PPFIBP1: variants seen among roughly 807,000 people sequenced by gnomAD.
The protein encoded by PPFIBP1 is liprin-beta-1.
In PPFIBP1, 112 loss-of-function variants were observed where a neutral mutation model predicts 137.8. That is an observed-to-expected ratio of 0.81 (90% CI 0.70 to 0.95). The LOEUF (loss-of-function observed/expected upper bound fraction) is 0.95, where lower values mean the gene tolerates loss of function less well. PPFIBP1 is among the 40% of genes least tolerant of loss of function. PPFIBP1 has a pLI of 0.00. For missense variants in PPFIBP1, 1,083 were observed against 1,196.6 expected (o/e 0.91, Z 1.40); for synonymous variants, 378 against 417.3 (o/e 0.91, Z 1.15).
At chr12:27,630,692 C>T (rs1255817056) in intron 2 of PPFIBP1, among the ~76,000 whole-genome samples, 1 of 152,078 alleles carries the variant, frequency 6.6e-6, no homozygotes, top group Non-Finnish European at 1.5e-5. Context: ...AATTGTATAG[C>T]GGAAGTCTGG....
intron 2 of PPFIBP1, among the ~76,000 whole-genome samples, chr12:27,579,025 G>T (rs2050824512): frequency 1.3e-5 from 2 of 152,236 alleles, no homozygotes; most frequent in African/African-American, 4.8e-5. Context: ...GTCAATAAGA[G>T]ATTGGAACCT....
At chr12:27,561,225 T>C (rs182609646) in intron 1 of PPFIBP1, among the ~76,000 whole-genome samples, 2 of 152,200 alleles carry the variant, frequency 1.3e-5, no homozygotes, top group Non-Finnish European at 2.9e-5. Flanking sequence ...TTGTGAGTGG[T>C]CTTTTGGTCT....
At chr12:27,683,174 CT>C (rs2060983760) in intron 24 of PPFIBP1, among the ~76,000 whole-genome samples, 1 of 152,204 alleles carries the variant, frequency 6.6e-6, no homozygotes, top group African/African-American at 2.4e-5. Flanking sequence ...AGCCATTCTC[CT>C]GCCTCAGCCT....
At chr12:27,547,664 G>A (rs55764582) in intron 1 of PPFIBP1, 23,344 of 152,282 alleles carry the variant, frequency 0.15, 2,072 homozygotes, top group Middle Eastern at 0.26. Flanking sequence ...ATGTGGTTGC[G>A]TCTGAGACCC....
intron 2 of PPFIBP1, among the ~76,000 whole-genome samples, chr12:27,612,341 T>C (rs1469088836): frequency 7.0e-6 from 1 of 143,818 alleles, no homozygotes; most frequent in Admixed American, 6.9e-5. Context: ...TTTTTTTTTT[T>C]TTTTTTTTTT....
chr12:27,625,679 G>T (rs1216125762), intron 2 of PPFIBP1, among the ~76,000 whole-genome samples: 1 of 151,424 alleles, frequency 6.6e-6, no homozygotes, highest in African/African-American at 2.4e-5. Context: ...AGCCTCCCAG[G>T]TTCAAGTGAT....
intron 2 of PPFIBP1, among the ~76,000 whole-genome samples, chr12:27,578,460 G>A (rs536172597): frequency 5.3e-5 from 8 of 152,270 alleles, no homozygotes; most frequent in African/African-American, 1.9e-4. Context: ...GACGCGGTGT[G>A]GCAGGCAGTG....
intron 13 of PPFIBP1, among the ~76,000 whole-genome samples, chr12:27,670,311 T>C (rs549980351): frequency 6.6e-6 from 1 of 152,208 alleles, no homozygotes; most frequent in Admixed American, 6.5e-5. Flanking sequence ...AATATTATTA[T>C]TATCATTAAG....
At chr12:27,607,385 A>G (rs2054623153) in intron 2 of PPFIBP1, among the ~76,000 whole-genome samples, 1 of 152,214 alleles carries the variant, frequency 6.6e-6, no homozygotes, top group Admixed American at 6.5e-5. Flanking sequence ...TTAGATATGG[A>G]CTGCAATGTT....
At chr12:27,605,367 G>A (rs1010974662) in intron 2 of PPFIBP1, among the ~76,000 whole-genome samples, 1 of 152,108 alleles carries the variant, frequency 6.6e-6, no homozygotes, top group Non-Finnish European at 1.5e-5. Context: ...GAGCCCCTGG[G>A]GGTAGGGAAA....
intron 1 of PPFIBP1, among the ~76,000 whole-genome samples, chr12:27,563,277 T>TCAAAAAAAAAAAAAA (rs1292889355): frequency 4.5e-5 from 1 of 22,172 alleles, no homozygotes; most frequent in Non-Finnish European, 7.1e-5. Context: ...CCATCTCTAC[T>TCAAAAAAAAAAAAAA]AAAAAAAAAA....
Position 27,661,096 on chromosome 12 carries a change from G to A in PPFIBP1, c.906+151G>A, listed in dbSNP as rs552094201. 29 of 1,189,712 alleles carry A rather than the reference G, an allele frequency of 2.4e-5. No individual in the cohort carries two copies. The East Asian group carries it at 5.3e-4, about 22-fold the overall frequency. The allele number at this position is 1,189,712 out of a possible 1,614,324, so 73.7% of individuals were successfully genotyped here. ...AGGTGTGCACACTCCCAGGTGGGCTGTATGCACAGGAATAGGGAGGAGCTG... is the reference window on the plus strand; with the variant it reads ...AGGTGTGCACACTCCCAGGTGGGCTATATGCACAGGAATAGGGAGGAGCTG... On this transcript the variant is annotated intron_variant, in intron 11 of 29. Transcript: ENST00000228425.
At chr12:27,647,618 A>G (rs1565934959) in intron 5 of PPFIBP1, 111 bp from the exon 6 acceptor site, 1 of 646,428 alleles carries the variant, frequency 1.5e-6, no homozygotes, top group Non-Finnish European at 2.6e-6. Context: ...TTTTCTTTAT[A>G]ACCGTATGAA....
At chr12:27,609,416 A>G (rs1343968623) in intron 2 of PPFIBP1, among the ~76,000 whole-genome samples, 2 of 152,126 alleles carry the variant, frequency 1.3e-5, no homozygotes, top group Non-Finnish European at 2.9e-5. Context: ...ATTCCTGCAT[A>G]CAGTCACTCA....
intron 2 of PPFIBP1, among the ~76,000 whole-genome samples, chr12:27,626,790 T>C (rs2138770810): frequency 6.6e-6 from 1 of 152,292 alleles, no homozygotes. Context: ...GGTCTCCGAC[T>C]CCTGACCTCA....
chr12:27,618,759 A>G (rs1296222727), intron 2 of PPFIBP1, among the ~76,000 whole-genome samples: 1 of 152,230 alleles, frequency 6.6e-6, no homozygotes, highest in Non-Finnish European at 1.5e-5. Flanking sequence ...GCTGTGTCAC[A>G]GGCTGTTGGT....
At chr12:27,577,883 A>C (rs1171782350) in intron 1 of PPFIBP1, among the ~76,000 whole-genome samples, 1 of 152,206 alleles carries the variant, frequency 6.6e-6, no homozygotes, top group Non-Finnish European at 1.5e-5. Flanking sequence ...TGGCTTCAGC[A>C]GAAAAATTAG....
chr12:27,563,223 C>T (rs557682566), intron 1 of PPFIBP1, among the ~76,000 whole-genome samples: 3 of 127,568 alleles, frequency 2.4e-5, no homozygotes, highest in East Asian at 5.0e-4. Context: ...AGGCGGATCA[C>T]GAGGTCAAGA....
At chr12:27,603,937 C>T (rs1592784971) in intron 2 of PPFIBP1, among the ~76,000 whole-genome samples, 2 of 152,058 alleles carry the variant, frequency 1.3e-5, no homozygotes, top group East Asian at 3.8e-4. Flanking sequence ...ACATAGACTC[C>T]CTGGGTACTG....
Sources: gnomAD v4.1 joint callset for allele counts (sites outside exome capture counted in the v4.1 genomes callset) on GRCh38, gnomAD v4.1.1 for gene constraint, MANE v1.5 for transcripts, NCBI Gene and HGNC (gene_info 2026-07-23, HGNC 2026-07-21) for gene names.